WHRN: variants seen among roughly 807,000 people sequenced by gnomAD.
The protein encoded by WHRN is whirlin.
In WHRN, 41 loss-of-function variants were observed where a neutral mutation model predicts 68.3. The observed-to-expected ratio is 0.60, with a 90% CI of 0.47 to 0.78. The LOEUF (loss-of-function observed/expected upper bound fraction) is 0.78. WHRN is among the 30% of genes least tolerant of loss of function. The probability of loss-of-function intolerance (pLI) is 0.00; values close to 1 mark genes in which losing one functional copy is unlikely to be tolerated. For missense variants in WHRN, 1,243 were observed against 1,244.7 expected, an observed-to-expected ratio of 1.00 and a Z score of 0.02; for synonymous variants, 560 against 561.3, an observed-to-expected ratio of 1.00 and a Z score of 0.03.
intron 7 of WHRN, among the ~76,000 whole-genome samples, chr9:114,417,113 GGGCT>G (rs1450446222): frequency 6.6e-6 from 1 of 152,216 alleles, no homozygotes; most frequent in Non-Finnish European, 1.5e-5. Flanking sequence ...AAAATGCTCA[GGGCT>G]GGCTCTCTGT....
intron 3 of WHRN, among the ~76,000 whole-genome samples, chr9:114,446,644 AAAAC>A (rs1838842798): frequency 6.6e-6 from 1 of 152,172 alleles, no homozygotes; most frequent in South Asian, 2.1e-4. Context: ...AATAAAACTC[AAAAC>A]AAACAAAGGG....
chr9:114,437,334 G>A (rs998510992), intron 3 of WHRN, among the ~76,000 whole-genome samples: 2 of 151,994 alleles, frequency 1.3e-5, no homozygotes, highest in Admixed American at 6.5e-5. Context: ...TCTATACCCT[G>A]GGCATAAGGA....
At position 114,504,397 on chromosome 9, in the gene WHRN, T is replaced by TG. The variant is rs753580912; in HGVS notation, c.404dup (p.Gly136ArgfsTer43). ...GCAAACTCACCAGGCGCACCTCCCC[T>TG]GGCCCCGCGCTGTCGGGGCCGCCCC... On this transcript the variant is annotated frameshift_variant, in exon 1 of 12. Coordinates refer to ENST00000362057, the MANE Select transcript of WHRN (RefSeq NM_015404.4). LOFTEE classifies it high-confidence loss of function. 1 of 1,602,620 alleles carries TG rather than the reference T, an allele frequency of 6.2e-7. No individual in the cohort carries two copies. Among genetic ancestry groups the TG allele is most frequent in the Non-Finnish European group, 8.5e-7 (1 of 1,177,962 alleles).
In WHRN at chr9:114,424,558, A is replaced by G. The variant is rs749760924; in HGVS notation, c.1204-12T>C. The G allele has an allele frequency of 2.5e-6, 4 of 1,602,870 alleles. No individual in the cohort carries two copies. The highest frequency in any genetic ancestry group is 1.1e-5 in the South Asian group (1 of 89,682). ...TTGTAAAATCCTGGCTGCAAGACAGAAAGATAGAAGCCCAGGAATTCTTAG... is the reference window on the plus strand; with the variant it reads ...TTGTAAAATCCTGGCTGCAAGACAGGAAGATAGAAGCCCAGGAATTCTTAG... On this transcript the variant is annotated splice_polypyrimidine_tract_variant and intron_variant, in intron 5 of 11. Coordinates refer to ENST00000362057, the MANE Select transcript of WHRN (RefSeq NM_015404.4).
intron 3 of WHRN, among the ~76,000 whole-genome samples, chr9:114,455,547 C>G (rs1839709477): frequency 6.6e-6 from 1 of 150,536 alleles, no homozygotes; most frequent in Non-Finnish European, 1.5e-5. Context: ...TCTTTCTGTA[C>G]AAAAAATACA....
At chr9:114,501,693 T>C (rs1843944617) in intron 1 of WHRN, among the ~76,000 whole-genome samples, 1 of 152,044 alleles carries the variant, frequency 6.6e-6, no homozygotes, top group Non-Finnish European at 1.5e-5. Flanking sequence ...TTCTACTAAA[T>C]GCAATGTGGT....
chr9:114,454,572 A>G (rs1839609685), intron 3 of WHRN, among the ~76,000 whole-genome samples: 1 of 152,172 alleles, frequency 6.6e-6, no homozygotes, highest in African/African-American at 2.4e-5. Context: ...AAAAAAACCT[A>G]AATAAATGGA....
chr9:114,445,829 T>C (rs1838773650), intron 3 of WHRN, among the ~76,000 whole-genome samples: 1 of 152,184 alleles, frequency 6.6e-6, no homozygotes, highest in Admixed American at 6.5e-5. Context: ...TCTGGAAAGG[T>C]CCTCTGAGGT....
chr9:114,436,728 C>CG (rs1483193377), intron 3 of WHRN, among the ~76,000 whole-genome samples: 3 of 151,988 alleles, frequency 2.0e-5, no homozygotes, highest in African/African-American at 7.3e-5. Context: ...ACTTGGGAGG[C>CG]TGAGGCAGGA....
chr9:114,436,098 A>C (rs1017715090), intron 3 of WHRN, among the ~76,000 whole-genome samples: 11 of 152,214 alleles, frequency 7.2e-5, no homozygotes, highest in African/African-American at 2.7e-4. Flanking sequence ...CCTTAAATGC[A>C]TACTGCTAAG....
intron 3 of WHRN, among the ~76,000 whole-genome samples, chr9:114,432,956 C>T (rs573301587): frequency 2.6e-5 from 4 of 151,950 alleles, no homozygotes; most frequent in Non-Finnish European, 4.4e-5. Flanking sequence ...CCCCAGGGCC[C>T]TGCCTCTGGC....
intron 2 of WHRN, 123 bp from the exon 3 acceptor site, chr9:114,466,515 A>G (rs747409372): frequency 2.9e-6 from 4 of 1,392,172 alleles, no homozygotes; most frequent in Admixed American, 1.7e-5. Flanking sequence ...AAGGAGGCCC[A>G]GGCCAAGGCC....
At chr9:114,453,686 CAAG>C (rs1839530058) in intron 3 of WHRN, among the ~76,000 whole-genome samples, 2 of 151,984 alleles carry the variant, frequency 1.3e-5, no homozygotes, top group Non-Finnish European at 2.9e-5. Flanking sequence ...TACTAACACT[CAAG>C]AAAGAAAAAT....
intron 3 of WHRN, among the ~76,000 whole-genome samples, chr9:114,430,759 AG>A (rs764089403): frequency 6.6e-5 from 10 of 152,168 alleles, no homozygotes; most frequent in Non-Finnish European, 1.3e-4. Context: ...GTGAAATGGG[AG>A]TCACACTTGG....
At chr9:114,403,019 C>T (rs962050355) in intron 11 of WHRN, 83 bp from the exon 12 acceptor site, 2 of 1,548,168 alleles carry the variant, frequency 1.3e-6, no homozygotes, top group Non-Finnish European at 1.8e-6. Flanking sequence ...AGTCCCAACA[C>T]TGCCAAGCAG....
At chr9:114,435,147 G>A (rs145361570) in intron 3 of WHRN, among the ~76,000 whole-genome samples, 154 of 152,214 alleles carry the variant, frequency 1.0e-3, no homozygotes, top group African/African-American at 3.4e-3. Flanking sequence ...CCAGGGCACC[G>A]TGCAGCACTC....
At chr9:114,410,545 G>A (rs965758529) in intron 7 of WHRN, among the ~76,000 whole-genome samples, 12 of 152,154 alleles carry the variant, frequency 7.9e-5, no homozygotes, top group African/African-American at 2.7e-4. Context: ...CACTCCTGAC[G>A]CCATACCCCT....
chr9:114,406,271 C>A lies in WHRN; in HGVS notation c.2236+84G>T, dbSNP rs10982200. 0.48 allele frequency: 764,604 copies of A among 1,586,008 alleles called. 187,848 individuals are homozygous for A. Among genetic ancestry groups the A allele is most frequent in the Middle Eastern group, 0.55 (3,157 of 5,750 alleles). ...GCCCCCTCAACAAGTAGCTGGTCCC[C>A]CCCTTCACTGTGTCATCAGGTAGAC... is the stretch of plus-strand genomic sequence containing the variant. On this transcript the variant is annotated intron_variant, in intron 9 of 11. Coordinates refer to ENST00000362057, the MANE Select transcript of WHRN (RefSeq NM_015404.4).
At chr9:114,499,682 G>C (rs1051480098) in intron 1 of WHRN, among the ~76,000 whole-genome samples, 1 of 152,242 alleles carries the variant, frequency 6.6e-6, no homozygotes, top group Non-Finnish European at 1.5e-5. Context: ...GCACATGAGC[G>C]AGGGGCTGCA....
Sources: gnomAD v4.1 joint callset for allele counts (sites outside exome capture counted in the v4.1 genomes callset) on GRCh38, gnomAD v4.1.1 for gene constraint, MANE v1.5 for transcripts, NCBI Gene and HGNC (gene_info 2026-07-23, HGNC 2026-07-21) for gene names.